NELL2: variants seen among roughly 807,000 people sequenced by gnomAD.
NELL2 encodes the protein neural EGFL like 2.
A neutral mutation model predicts 109.6 loss-of-function variants in NELL2; 41 were observed. The ratio of observed to expected loss-of-function variants is 0.37; its 90% CI spans 0.29 to 0.49. The LOEUF (loss-of-function observed/expected upper bound fraction) is 0.49. Ranked by LOEUF, NELL2 falls within the 20% of genes least tolerant of loss-of-function variation. NELL2 has a pLI of 0.98. For synonymous variants in NELL2, 355 were observed against 344.7 expected, an observed-to-expected ratio of 1.03 and a Z score of -0.33; for missense variants, 900 against 1,008.3, an observed-to-expected ratio of 0.89 and a Z score of 1.45.
chr12:44,690,776 C>G (rs1437294822), intron 12 of NELL2, among the ~76,000 whole-genome samples: 1 of 152,060 alleles, frequency 6.6e-6, no homozygotes, highest in Admixed American at 6.6e-5. Flanking sequence ...GTGTGCTTAA[C>G]AAATACTGTG....
At chr12:44,876,909 C>T (rs923885733), upstream of NELL2, 1 of 1,252,884 alleles carries the variant, frequency 8.0e-7, no homozygotes, top group Non-Finnish European at 1.0e-6. Flanking sequence ...GAGAGGTTCC[C>T]TGCCGGGGGC....
At chr12:44,909,508 T>C (rs1945755713) in intron 1 of NELL2, among the ~76,000 whole-genome samples, 1 of 151,828 alleles carries the variant, frequency 6.6e-6, no homozygotes, top group African/African-American at 2.4e-5. Flanking sequence ...AAAATACCCA[T>C]AGTACCAAAA....
At chr12:44,559,785 A>G (rs957783574) in intron 15 of NELL2, among the ~76,000 whole-genome samples, 2 of 152,186 alleles carry the variant, frequency 1.3e-5, no homozygotes, top group African/African-American at 4.8e-5. Flanking sequence ...CAGAAAATTC[A>G]CAAGGATATT....
At chr12:44,773,722 T>A (rs1941640451) in intron 9 of NELL2, among the ~76,000 whole-genome samples, 1 of 152,196 alleles carries the variant, frequency 6.6e-6, no homozygotes, top group South Asian at 2.1e-4. Flanking sequence ...CTAGTTCCAC[T>A]GAATCGACTT....
chr12:44,584,612 C>T (rs748318741), intron 15 of NELL2, among the ~76,000 whole-genome samples: 1 of 152,120 alleles, frequency 6.6e-6, no homozygotes, highest in Non-Finnish European at 1.5e-5. Flanking sequence ...ATTTCTAGTC[C>T]CCAAATATCT....
chr12:44,590,844 T>C (rs1315470640), intron 15 of NELL2, among the ~76,000 whole-genome samples: 3 of 151,102 alleles, frequency 2.0e-5, no homozygotes, highest in Non-Finnish European at 2.9e-5. Flanking sequence ...ACCTGCAGAA[T>C]GGAAGAAAAA....
chr12:44,731,820 T>C (rs1327944086), intron 9 of NELL2, among the ~76,000 whole-genome samples: 1 of 151,970 alleles, frequency 6.6e-6, no homozygotes, highest in Non-Finnish European at 1.5e-5. Flanking sequence ...TGTTGGCAGA[T>C]GAAAAAACCC....
At chr12:44,845,625 A>C (rs1412808061) in intron 2 of NELL2, among the ~76,000 whole-genome samples, 1 of 152,204 alleles carries the variant, frequency 6.6e-6, no homozygotes, top group Non-Finnish European at 1.5e-5. Flanking sequence ...TAAGGTAAAA[A>C]TCCTCATTTT....
chr12:44,741,420 C>T (rs533362662), intron 9 of NELL2, among the ~76,000 whole-genome samples: 7 of 152,250 alleles, frequency 4.6e-5, no homozygotes, highest in African/African-American at 7.2e-5. Context: ...ACTGAAGTAC[C>T]GGGTTCATCC....
At chr12:44,536,636 C>A (rs941109523) in intron 15 of NELL2, among the ~76,000 whole-genome samples, 31 of 151,880 alleles carry the variant, frequency 2.0e-4, no homozygotes, top group African/African-American at 6.5e-4. Flanking sequence ...TAGTCTTAAT[C>A]ATAAGGACCT....
At chr12:44,882,641 C>T (rs541871391) in intron 1 of NELL2, among the ~76,000 whole-genome samples, 62 of 151,542 alleles carry the variant, frequency 4.1e-4, no homozygotes, top group Non-Finnish European at 7.7e-4. Context: ...AATTCTCCTG[C>T]CTCAGCCTCC....
At chr12:44,843,976 T>C (rs988595073) in intron 2 of NELL2, among the ~76,000 whole-genome samples, 7 of 152,092 alleles carry the variant, frequency 4.6e-5, no homozygotes, top group African/African-American at 1.7e-4. Flanking sequence ...CAGCCATGAT[T>C]GTGTCACTGC....
intron 1 of NELL2, among the ~76,000 whole-genome samples, chr12:44,888,971 C>T (rs1566596389): frequency 6.6e-6 from 1 of 151,984 alleles, no homozygotes; most frequent in East Asian, 1.9e-4. Context: ...TTTCCTAAGC[C>T]AGACACAAAT....
In NELL2 at chr12:44,644,615, TATATATATATACATAC is replaced by T. The variant is rs1947012868; in HGVS notation, c.1444+20853_1444+20868del. On this transcript the variant is annotated intron_variant, in intron 13 of 19. Transcript: ENST00000429094. Reference sequence around the variant, plus strand: ...ATATATATATATATGTATGTATATATATATATATATACATACATATATATATATATATATACACACA... The same window carrying T: ...ATATATATATATATGTATGTATATATATATATATATATATATATACACACA... Among the ~76,000 whole-genome samples, 5 of 95,794 alleles carry T rather than the reference TATATATATATACATAC, an allele frequency of 5.2e-5. No individual in the cohort carries two copies. In the Admixed American group the frequency reaches 5.7e-4, roughly 11 times the overall value. The allele number at this position is 95,794 out of a possible 152,430, so 62.8% of individuals were successfully genotyped here. A position where few individuals can be genotyped will look rare whatever the true frequency, so the allele number is the denominator to read the frequency against.
intron 15 of NELL2, among the ~76,000 whole-genome samples, chr12:44,589,380 C>A (rs1052006851): frequency 4.0e-5 from 5 of 125,632 alleles, no homozygotes; most frequent in Non-Finnish European, 8.5e-5. Context: ...CAAAGAGACA[C>A]TACTTTTATT....
At chr12:44,825,317 C>T (rs879296401) in intron 2 of NELL2, among the ~76,000 whole-genome samples, 1 of 148,092 alleles carries the variant, frequency 6.8e-6, no homozygotes, top group African/African-American at 2.5e-5. Flanking sequence ...TTGTAGAGGT[C>T]TTTCACCTCC....
intron 3 of NELL2, among the ~76,000 whole-genome samples, chr12:44,808,406 A>G (rs1430286393): frequency 1.3e-5 from 2 of 152,052 alleles, no homozygotes; most frequent in East Asian, 3.9e-4. Context: ...TGGCTACATT[A>G]GAATATATAT....
At chr12:44,591,589 G>A (rs1944752217) in intron 15 of NELL2, among the ~76,000 whole-genome samples, 1 of 152,166 alleles carries the variant, frequency 6.6e-6, no homozygotes, top group South Asian at 2.1e-4. Context: ...GAAGTGGAGA[G>A]TAGAACAGTG....
In NELL2 at chr12:44,815,979, C is replaced by T. The variant is rs1446349336; in HGVS notation, c.335+7G>A. 1 of 1,608,570 alleles carries T rather than the reference C, an allele frequency of 6.2e-7. No homozygotes were observed. Among genetic ancestry groups the T allele is most frequent in the Admixed American group, 1.7e-5 (1 of 58,726 alleles). On this transcript the variant is annotated splice_region_variant and intron_variant, in intron 3 of 19. Coordinates refer to ENST00000429094, the MANE Select transcript of NELL2 (RefSeq NM_001145108.2). Reference sequence around the variant, plus strand: ...AAAACACAGGAAACTCCAGCAACCACATTTACCTGTGATCCAAGTGGTGAA... The same window carrying T: ...AAAACACAGGAAACTCCAGCAACCATATTTACCTGTGATCCAAGTGGTGAA...
Sources: allele counts gnomAD v4.1 joint callset (sites outside exome capture counted in the v4.1 genomes callset), GRCh38; gene constraint gnomAD v4.1.1; transcripts MANE v1.5; gene names NCBI Gene and HGNC (gene_info 2026-07-23, HGNC 2026-07-21).